ZNF131: variants seen among roughly 807,000 people sequenced by gnomAD.
The protein encoded by ZNF131 is zinc finger protein 131.
A neutral mutation model predicts 60.0 loss-of-function variants in ZNF131; 7 were observed. The ratio of observed to expected loss-of-function variants is 0.12; its 90% CI spans 0.07 to 0.22. ZNF131 has a LOEUF of 0.22. Among genes scored for constraint, ZNF131 ranks in the 10% least tolerant of loss-of-function variants. ZNF131 has a pLI of 1.00. For missense variants in ZNF131, 493 were observed against 740.9 expected (o/e 0.67, Z 3.88); for synonymous variants, 257 against 253.2 (o/e 1.01, Z -0.14).
At chr5:43,159,252 A>G (rs1749336026) in intron 4 of ZNF131, among the ~76,000 whole-genome samples, 1 of 152,170 alleles carries the variant, frequency 6.6e-6, no homozygotes, top group Non-Finnish European at 1.5e-5. Context: ...CCTTTCATCT[A>G]CTATACTATA....
intron 1 of ZNF131, chr5:43,121,644 G>A (rs1743829357): frequency 6.4e-6 from 1 of 156,402 alleles, no homozygotes; most frequent in Non-Finnish European, 1.4e-5. Flanking sequence ...AGTCGTTGTG[G>A]GTCGCGGGCC....
At chr5:43,123,057 A>C (rs1744074766) in intron 2 of ZNF131, 152 bp from the exon 3 acceptor site, 1 of 581,708 alleles carries the variant, frequency 1.7e-6, no homozygotes, top group Non-Finnish European at 3.0e-6. Context: ...GATAGCTGCC[A>C]AGAATATTCT....
chr5:43,146,581 C>T (rs180935484), intron 4 of ZNF131, among the ~76,000 whole-genome samples: 57 of 151,096 alleles, frequency 3.8e-4, no homozygotes, highest in African/African-American at 1.2e-3. Context: ...GGCGACAGAG[C>T]GAGACTCTGT....
chr5:43,145,815 A>G (rs1005034320), intron 4 of ZNF131, among the ~76,000 whole-genome samples: 2 of 152,214 alleles, frequency 1.3e-5, no homozygotes, highest in Admixed American at 1.3e-4. Flanking sequence ...TGGCCAGGCA[A>G]GAGTTAACAG....
intron 4 of ZNF131, among the ~76,000 whole-genome samples, chr5:43,143,026 C>CTT (rs148965036): frequency 9.5e-5 from 13 of 136,742 alleles, no homozygotes; most frequent in Admixed American, 3.7e-4. Flanking sequence ...ATCTTTCAAG[C>CTT]TTTTTTTTTT....
At chr5:43,121,933 C>T (rs952491990) in intron 1 of ZNF131, 106 bp from the exon 2 acceptor site, 4 of 1,240,330 alleles carry the variant, frequency 3.2e-6, no homozygotes, top group East Asian at 2.7e-5. Flanking sequence ...CACCCTCCCC[C>T]CTTCTTTTCA....
chr5:43,130,303 A>T (rs1329689793), intron 3 of ZNF131, among the ~76,000 whole-genome samples: 1 of 148,710 alleles, frequency 6.7e-6, no homozygotes, highest in East Asian at 2.1e-4. Flanking sequence ...GAGGCAATGT[A>T]GCTGAGAGAT....
chr5:43,147,014 C>G (rs558884189), intron 4 of ZNF131, among the ~76,000 whole-genome samples: 1 of 152,230 alleles, frequency 6.6e-6, no homozygotes, highest in Non-Finnish European at 1.5e-5. Flanking sequence ...GCAGTTGATC[C>G]TGATCTCTAG....
rs1375278448 is a variant in ZNF131, at chr5:43,139,152, A to T, written c.227-13A>T. The T allele has an allele frequency of 1.3e-6, 2 of 1,577,512 alleles. No individual in the cohort carries two copies. Among genetic ancestry groups the T allele is most frequent in the African/African-American group, 1.4e-5 (1 of 73,454 alleles). On this transcript the variant is annotated splice_polypyrimidine_tract_variant and intron_variant, in intron 3 of 6. Transcript: ENST00000682664. ...AATATGATTACATGCTCTAATGTACATCTTCTTTACAGGTGTTAGTAAAAT... is the reference window on the plus strand; with the variant it reads ...AATATGATTACATGCTCTAATGTACTTCTTCTTTACAGGTGTTAGTAAAAT...
intron 1 of ZNF131, 116 bp downstream of exon 1, chr5:43,121,239 C>CG (rs1743753989): frequency 6.5e-6 from 1 of 152,814 alleles, no homozygotes; most frequent in Admixed American, 6.5e-5. Context: ...GGGCTCGGGT[C>CG]GGGAAGTGTC....
chr5:43,170,594 C>T (rs2112093478), intron 5 of ZNF131, among the ~76,000 whole-genome samples: 1 of 152,178 alleles, frequency 6.6e-6, no homozygotes. Context: ...TACTTATCTT[C>T]CAACCCCCAA....
intron 4 of ZNF131, among the ~76,000 whole-genome samples, chr5:43,155,048 A>C (rs1748784941): frequency 6.6e-6 from 1 of 152,176 alleles, no homozygotes; most frequent in Admixed American, 6.5e-5. Context: ...TTGTTGGTGC[A>C]GAGGCTGAGC....
chr5:43,152,784 A>G (rs1748488077), intron 4 of ZNF131, among the ~76,000 whole-genome samples: 1 of 151,688 alleles, frequency 6.6e-6, no homozygotes, highest in Non-Finnish European at 1.5e-5. Flanking sequence ...ATCTTTTATA[A>G]TTTTTTGTGG....
intron 4 of ZNF131, among the ~76,000 whole-genome samples, chr5:43,144,595 C>A (rs906729337): frequency 3.9e-5 from 6 of 152,044 alleles, no homozygotes; most frequent in Non-Finnish European, 8.8e-5. Flanking sequence ...AGTTTTTGTT[C>A]AGCTTCTTGA....
chr5:43,121,977 T>C, intron 1 of ZNF131, 62 bp from the exon 2 acceptor site: 1 of 1,552,974 alleles, frequency 6.4e-7, no homozygotes, highest in South Asian at 1.2e-5. Flanking sequence ...GTTTTATGCT[T>C]TAGGGGTTTT....
intron 4 of ZNF131, among the ~76,000 whole-genome samples, chr5:43,144,677 T>C (rs372458341): frequency 4.9e-4 from 75 of 152,118 alleles, no homozygotes; most frequent in African/African-American, 1.8e-3. Context: ...TTTTGACAAA[T>C]GTCTTGTGTT....
intron 5 of ZNF131, among the ~76,000 whole-genome samples, chr5:43,168,989 A>G (rs958194432): frequency 2.0e-5 from 3 of 152,260 alleles, no homozygotes; most frequent in Non-Finnish European, 2.9e-5. Context: ...ACATGTTGAC[A>G]GATACACCTG....
chr5:43,160,002 C>T (rs568524570), intron 4 of ZNF131, among the ~76,000 whole-genome samples: 10,575 of 151,926 alleles, frequency 0.07, 437 homozygotes, highest in South Asian at 0.13. Context: ...CGGTGAAACC[C>T]CATCTCTACT....
chr5:43,142,389 G>A (rs901674126), intron 4 of ZNF131, among the ~76,000 whole-genome samples: 9 of 128,644 alleles, frequency 7.0e-5, no homozygotes, highest in African/African-American at 1.7e-4. Flanking sequence ...TGCAACCACC[G>A]CCTCCCCCGG....
Sources: gnomAD v4.1 joint callset for allele counts (sites outside exome capture counted in the v4.1 genomes callset) on GRCh38, gnomAD v4.1.1 for gene constraint, MANE v1.5 for transcripts, NCBI Gene and HGNC (gene_info 2026-07-23, HGNC 2026-07-21) for gene names.